The following ATP2B4 variants were observed in gnomAD, a reference collection of about 807,000 sequenced individuals.
ATP2B4 encodes plasma membrane calcium-transporting ATPase 4.
ATP2B4 carries 39 observed loss-of-function variants against 110.3 expected under a neutral mutation model. The observed-to-expected ratio is 0.35, with a 90% CI of 0.27 to 0.46. ATP2B4 has a LOEUF of 0.46. Ranked by LOEUF, ATP2B4 falls within the 20% of genes least tolerant of loss-of-function variation. The pLI is 1.00. For synonymous variants in ATP2B4, 538 were observed against 571.7 expected, an observed-to-expected ratio of 0.94 and a Z score of 0.84; for missense variants, 1,135 against 1,530.9, an observed-to-expected ratio of 0.74 and a Z score of 4.32.
At chr1:203,681,481 G>T (rs1665007912) in intron 1 of ATP2B4, among the ~76,000 whole-genome samples, 1 of 152,164 alleles carries the variant, frequency 6.6e-6, no homozygotes, top group Non-Finnish European at 1.5e-5. Flanking sequence ...CGTCAGTGGG[G>T]ACTACGTAAC....
intron 20 of ATP2B4, among the ~76,000 whole-genome samples, chr1:203,728,615 T>C (rs1252907360): frequency 6.6e-6 from 1 of 152,072 alleles, no homozygotes; most frequent in Non-Finnish European, 1.5e-5. Context: ...CCCAGCACTT[T>C]GGGAGGCCAA....
Position 203,699,439 on chromosome 1 carries a change from TTCTC to T in ATP2B4, c.392-18_392-15del, listed in dbSNP as rs1665626204. 1 of 1,613,248 alleles carries T rather than the reference TTCTC, an allele frequency of 6.2e-7. No individual in the cohort carries two copies. Among genetic ancestry groups the T allele is most frequent in the African/African-American group, 1.3e-5 (1 of 74,898 alleles). The stretch of plus-strand genomic sequence containing the variant: ...TCAACAAAAGCCCTTCAGTGACTAT[TTCTC>T]TCCCTTCCTGGGATAGTGTGTGGTC... On this transcript the variant is annotated splice_polypyrimidine_tract_variant and intron_variant, in intron 3 of 20. Coordinates refer to ENST00000357681, the MANE Select transcript of ATP2B4 (RefSeq NM_001684.5).
chr1:203,709,870 C>T (rs1429750776), intron 11 of ATP2B4, among the ~76,000 whole-genome samples: 1 of 152,160 alleles, frequency 6.6e-6, no homozygotes, highest in African/African-American at 2.4e-5. Context: ...CTGGACGATC[C>T]TAAGTTTCCA....
intron 1 of ATP2B4, among the ~76,000 whole-genome samples, chr1:203,664,324 CCAGGA>C (rs1165758426): frequency 6.6e-6 from 1 of 152,132 alleles, no homozygotes; most frequent in Non-Finnish European, 1.5e-5. Flanking sequence ...GGGTCCAGAT[CCAGGA>C]CTGGAAAGTA....
In ATP2B4 at chr1:203,743,776, G is replaced by A. The variant is rs1571790026; in HGVS notation, c.*3922G>A. ...AAACAAATGGTGATATCAAAGCAAC[G>A]TATACCCCAGTCCAGTGTGTGTTGC... On this transcript the variant is annotated 3_prime_UTR_variant, in exon 21 of 21. Coordinates refer to ENST00000357681, the MANE Select transcript of ATP2B4 (RefSeq NM_001684.5). 6.6e-6 allele frequency: 1 copy of A among 152,366 alleles called. No homozygotes were observed. The highest frequency in any genetic ancestry group is 6.5e-5 in the Admixed American group (1 of 15,268). 9.4% of individuals were successfully genotyped at this position (152,366 alleles called of 1,614,324 possible).
At chr1:203,701,007 G>A in intron 6 of ATP2B4, 84 bp downstream of exon 6, 5 of 1,478,980 alleles carry the variant, frequency 3.4e-6, no homozygotes, top group Non-Finnish European at 4.5e-6. Context: ...TGGATAGAAA[G>A]CATGGTTGGA....
intron 1 of ATP2B4, among the ~76,000 whole-genome samples, chr1:203,659,489 C>A (rs911560921): frequency 6.6e-6 from 1 of 151,508 alleles, no homozygotes. Flanking sequence ...GACCACACAG[C>A]AAAACGTTGT....
chr1:203,743,608 A>G lies in ATP2B4; in HGVS notation c.*3754A>G, dbSNP rs1389331946. ...GCCATATATATGTGCCAACAAATCT[A>G]TCTACGTTGTTCTTTTCAAATTAGC... On this transcript the variant is annotated 3_prime_UTR_variant, in exon 21 of 21. Coordinates refer to ENST00000357681, the MANE Select transcript of ATP2B4 (RefSeq NM_001684.5). 6.6e-6 allele frequency: 1 copy of G among 152,648 alleles called. No individual in the cohort carries two copies. Among genetic ancestry groups the G allele is most frequent in the Non-Finnish European group, 1.5e-5 (1 of 68,036 alleles). 9.5% of individuals were successfully genotyped at this position (152,648 alleles called of 1,614,324 possible).
At chr1:203,657,072 T>C in intron 1 of ATP2B4, 1 of 830,548 alleles carries the variant, frequency 1.2e-6, no homozygotes, top group South Asian at 1.4e-5. Flanking sequence ...CAAGGCCCAA[T>C]TCGCTCACAT....
intron 1 of ATP2B4, among the ~76,000 whole-genome samples, chr1:203,674,445 G>C (rs1363507129): frequency 2.6e-5 from 4 of 151,814 alleles, no homozygotes; most frequent in African/African-American, 9.7e-5. Context: ...CTTTCCCAAG[G>C]CTCTGGGCCT....
At chr1:203,715,595 C>CAA (rs570988196) in intron 15 of ATP2B4, among the ~76,000 whole-genome samples, 1 of 128,244 alleles carries the variant, frequency 7.8e-6, no homozygotes, top group Non-Finnish European at 1.7e-5. Flanking sequence ...TGGTGTGGGG[C>CAA]AAAAAAAAAA....
intron 11 of ATP2B4, among the ~76,000 whole-genome samples, chr1:203,710,133 C>T (rs1451506436): frequency 6.6e-6 from 1 of 151,924 alleles, no homozygotes; most frequent in Non-Finnish European, 1.5e-5. Flanking sequence ...TTTGGGAGGC[C>T]GAGGCAGGCA....
In ATP2B4 at chr1:203,709,367, T is replaced by G. The variant is rs1209431907; in HGVS notation, c.1624T>G (p.Phe542Val). The part of the protein sequence containing the change: ...GNKTECALLG[F>V]VTDLKQDYQA... ...CAAGACCGAGTGTGCTCTGCTAGGC[T>G]TTGTCACAGATCTGAAGCAGGATTA... is the stretch of plus-strand genomic sequence containing the variant. The change falls in exon 11 of 21, where the codon TTT becomes GTT. Residue 542 changes from phenylalanine (F) to valine (V), a missense_variant. By Grantham distance (50) the Phe-to-Val change is conservative. Coordinates refer to ENST00000357681, the MANE Select transcript of ATP2B4 (RefSeq NM_001684.5). 6.2e-7 allele frequency: 1 copy of G among 1,614,186 alleles called. No homozygotes were observed.
intron 12 of ATP2B4, among the ~76,000 whole-genome samples, chr1:203,711,394 G>A (rs1321312758): frequency 6.6e-6 from 1 of 152,146 alleles, no homozygotes; most frequent in African/African-American, 2.4e-5. Context: ...TTTGTCTTTA[G>A]CTCCCTCCTT....
chr1:203,657,487 G>A (rs975699548), intron 1 of ATP2B4: 10 of 785,748 alleles, frequency 1.3e-5, no homozygotes, highest in South Asian at 5.4e-5. Context: ...AGATAAGCAG[G>A]TACTGCTCCC....
At chr1:203,651,266 C>A (rs867904427) in intron 1 of ATP2B4, among the ~76,000 whole-genome samples, 5 of 152,052 alleles carry the variant, frequency 3.3e-5, no homozygotes, top group Middle Eastern at 3.4e-3. Flanking sequence ...CTAGTTCTAT[C>A]TCTTTTGTTT....
chr1:203,648,664 G>A (rs2102314775), intron 1 of ATP2B4, among the ~76,000 whole-genome samples: 1 of 152,292 alleles, frequency 6.6e-6, no homozygotes, highest in African/African-American at 2.4e-5. Context: ...CCCATGAGCT[G>A]GTACCACCTT....
chr1:203,711,255 GTGC>G, intron 12 of ATP2B4, 147 bp downstream of exon 12: 1 of 722,986 alleles, frequency 1.4e-6, no homozygotes, highest in Admixed American at 2.7e-5. Flanking sequence ...CTGCTGTGGA[GTGC>G]CAGTATGATC....
At position 203,727,709 on chromosome 1, in the gene ATP2B4, C is replaced by T. The variant is rs528211931; in HGVS notation, c.3309+138C>T. On this transcript the variant is annotated intron_variant, in intron 20 of 20. Coordinates refer to ENST00000357681, the MANE Select transcript of ATP2B4 (RefSeq NM_001684.5). Reference sequence around the variant, plus strand: ...CTACTGATGGGCAGCCCTAGATCCTCAGCTTCAGGACAGACACGCAAAAGG... The same window carrying T: ...CTACTGATGGGCAGCCCTAGATCCTTAGCTTCAGGACAGACACGCAAAAGG... The T allele has an allele frequency of 3.1e-5, 33 of 1,060,484 alleles. 1 individual carries two copies. The South Asian group carries it at 5.0e-4, about 16-fold the overall frequency. 65.7% of individuals were successfully genotyped at this position (1,060,484 alleles called of 1,614,324 possible).
Sources: gnomAD v4.1 joint callset for allele counts (sites outside exome capture counted in the v4.1 genomes callset) on GRCh38, gnomAD v4.1.1 for gene constraint, MANE v1.5 for transcripts, NCBI Gene and HGNC (gene_info 2026-07-23, HGNC 2026-07-21) for gene names.